The following USP15 variants were observed in gnomAD, a reference collection of about 807,000 sequenced individuals.
USP15 encodes ubiquitin carboxyl-terminal hydrolase 15.
In USP15, 18 loss-of-function variants were observed where a neutral mutation model predicts 127.1. That is an observed-to-expected ratio of 0.14 (90% CI 0.10 to 0.21). The LOEUF (loss-of-function observed/expected upper bound fraction) is 0.21, where lower values mean the gene tolerates loss of function less well. USP15 is among the 10% of genes least tolerant of loss of function. The pLI is 1.00. For synonymous variants in USP15, 364 were observed against 393.7 expected, an observed-to-expected ratio of 0.92 and a Z score of 0.89; for missense variants, 805 against 1,159.9, an observed-to-expected ratio of 0.69 and a Z score of 4.44.
At chr12:62,271,282 G>A (rs976714032) in intron 1 of USP15, among the ~76,000 whole-genome samples, 4 of 151,882 alleles carry the variant, frequency 2.6e-5, no homozygotes, top group African/African-American at 9.7e-5. Flanking sequence ...ATGAGTCTTT[G>A]TGGAAATGCA....
At chr12:62,391,529 C>A (rs1289749892) in intron 16 of USP15, 100 bp downstream of exon 16, 37 of 1,420,174 alleles carry the variant, frequency 2.6e-5, no homozygotes, top group Non-Finnish European at 3.5e-5. Flanking sequence ...AAGAAATATA[C>A]CATTTACTTT....
intron 6 of USP15, among the ~76,000 whole-genome samples, chr12:62,344,789 A>T (rs2065762241): frequency 6.6e-6 from 1 of 152,182 alleles, no homozygotes; most frequent in African/African-American, 2.4e-5. Context: ...ACACAGGCCC[A>T]ACACCACATG....
chr12:62,359,074 G>GT (rs2066229916), intron 8 of USP15, among the ~76,000 whole-genome samples: 1 of 151,678 alleles, frequency 6.6e-6, no homozygotes, highest in African/African-American at 2.4e-5. Flanking sequence ...ACCGTGGAAA[G>GT]TTTAATTGTA....
In USP15 at chr12:62,389,588, A is replaced by C. The variant is rs374461305; in HGVS notation, c.1558-17A>C. ...AGTGCTGTAAAACCAGCTTAATAGA[A>C]ATTCGTTTCCTTTTAGATGATAGTT... On this transcript the variant is annotated splice_polypyrimidine_tract_variant and intron_variant, in intron 12 of 21. Transcript: ENST00000280377. The C allele has an allele frequency of 8.1e-6, 13 of 1,610,070 alleles. No individual in the cohort carries two copies. The highest frequency in any genetic ancestry group is 1.1e-5 in the Non-Finnish European group (13 of 1,178,178).
At chr12:62,341,933 A>T (rs12231778) in intron 6 of USP15, among the ~76,000 whole-genome samples, 49,958 of 151,794 alleles carry the variant, frequency 0.33, 8,694 homozygotes, top group African/African-American at 0.45. Context: ...CCTGTCTTAC[A>T]AGGTTGGGGA....
chr12:62,286,924 C>T (rs1193907916), intron 1 of USP15, among the ~76,000 whole-genome samples: 1 of 136,358 alleles, frequency 7.3e-6, no homozygotes, highest in East Asian at 2.0e-4. Context: ...GCAACAAGAG[C>T]GAAACTCTGT....
At chr12:62,290,456 A>C (rs1296788705) in intron 1 of USP15, among the ~76,000 whole-genome samples, 1 of 152,064 alleles carries the variant, frequency 6.6e-6, no homozygotes, top group African/African-American at 2.4e-5. Context: ...TTCCGTTTGC[A>C]TGGAGTATCT....
rs145201440 is a variant in USP15 at position 62,292,677 on chromosome 12, T to C, written c.90-1502T>C. Among the ~76,000 whole-genome samples, 328 of 152,276 alleles carry C rather than the reference T, an allele frequency of 2.2e-3. 2 individuals carry two copies. The highest frequency in any genetic ancestry group is 7.8e-3 in the African/African-American group (324 of 41,546). On this transcript the variant is annotated intron_variant, in intron 1 of 21. Coordinates refer to ENST00000280377, the MANE Select transcript of USP15 (RefSeq NM_001252078.2). ...CACTTGCAGTGCTGAGCAGAGTTTGTGTCTCTGTGTCTCTGCCAGGAGCAG... is the reference window on the plus strand; with the variant it reads ...CACTTGCAGTGCTGAGCAGAGTTTGCGTCTCTGTGTCTCTGCCAGGAGCAG...
intron 8 of USP15, among the ~76,000 whole-genome samples, chr12:62,358,292 G>T (rs187347086): frequency 3.0e-4 from 46 of 152,232 alleles, no homozygotes; most frequent in Admixed American, 1.3e-3. Context: ...ATCTGAGTGT[G>T]ATTTAACATT....
At chr12:62,336,277 T>A in intron 6 of USP15, 1 of 985,430 alleles carries the variant, frequency 1.0e-6, no homozygotes, top group Non-Finnish European at 1.2e-6. Context: ...TTTCATAAAT[T>A]TCATGTAGGA....
chr12:62,346,778 G>C (rs1008816616), intron 6 of USP15, among the ~76,000 whole-genome samples: 1 of 152,146 alleles, frequency 6.6e-6, no homozygotes, highest in Non-Finnish European at 1.5e-5. Flanking sequence ...GAATATAAAA[G>C]ACCCTTTATT....
intron 6 of USP15, among the ~76,000 whole-genome samples, chr12:62,337,517 G>A (rs916090263): frequency 1.3e-5 from 2 of 151,954 alleles, no homozygotes; most frequent in East Asian, 3.9e-4. Context: ...AGAATGTGCA[G>A]GTTTGTTACA....
intron 7 of USP15, chr12:62,355,038 A>G (rs771068389): frequency 3.8e-4 from 76 of 198,332 alleles, no homozygotes; most frequent in Non-Finnish European, 2.3e-4. Flanking sequence ...GCAATGGGGA[A>G]TGGAGCAAAC....
rs549281656 is a variant in USP15 at position 62,305,006 on chromosome 12, T to G, written c.348+2086T>G. 3.9e-5 allele frequency: 8 copies of G among 204,694 alleles called. No individual in the cohort carries two copies. The East Asian group carries it at 1.0e-3, about 26-fold the overall frequency. The allele number at this position is 204,694 out of a possible 1,614,324, so 12.7% of individuals were successfully genotyped here. On this transcript the variant is annotated intron_variant, in intron 3 of 21. Coordinates refer to ENST00000280377, the MANE Select transcript of USP15 (RefSeq NM_001252078.2). ...AACTAAATGATTTGTCAATAGAAAA[T>G]ATAGAGTCTAAAGCTTAGAGAGACA...
At chr12:62,276,019 T>G (rs2063481354) in intron 1 of USP15, among the ~76,000 whole-genome samples, 1 of 152,136 alleles carries the variant, frequency 6.6e-6, no homozygotes, top group Non-Finnish European at 1.5e-5. Context: ...TATATCATTT[T>G]CTTTAGTAAC....
intron 6 of USP15, among the ~76,000 whole-genome samples, chr12:62,344,921 G>A (rs1360058010): frequency 6.6e-6 from 1 of 152,234 alleles, no homozygotes; most frequent in Non-Finnish European, 1.5e-5. Context: ...GCTGCACAGA[G>A]CAGGGTGGTC....
intron 1 of USP15, among the ~76,000 whole-genome samples, chr12:62,271,980 A>C (rs142565449): frequency 1.1e-3 from 169 of 151,976 alleles, no homozygotes; most frequent in African/African-American, 3.9e-3. Context: ...GGTTTATTTG[A>C]GTGAATTTCA....
At chr12:62,262,487 A>G (rs1205285183) in intron 1 of USP15, among the ~76,000 whole-genome samples, 2 of 152,134 alleles carry the variant, frequency 1.3e-5, no homozygotes, top group African/African-American at 4.8e-5. Flanking sequence ...TATAAGTGTT[A>G]TTGTCTCTCA....
chr12:62,281,981 A>G (rs1458729151), intron 1 of USP15, among the ~76,000 whole-genome samples: 2 of 152,154 alleles, frequency 1.3e-5, no homozygotes, highest in Admixed American at 6.5e-5. Context: ...TGAACCTGCA[A>G]ATAGTAGCAA....
Sources: allele counts gnomAD v4.1 joint callset (sites outside exome capture counted in the v4.1 genomes callset), GRCh38; gene constraint gnomAD v4.1.1; transcripts MANE v1.5; gene names NCBI Gene and HGNC (gene_info 2026-07-23, HGNC 2026-07-21).